The following PCSK5 variants were observed in gnomAD, a reference collection of about 807,000 sequenced individuals.
PCSK5 encodes prohormone convertase 5.
In PCSK5, 129 loss-of-function variants were observed where a neutral mutation model predicts 233.2. That is an observed-to-expected ratio of 0.55 (90% confidence interval 0.48 to 0.64). The LOEUF is 0.64. Among genes scored for constraint, PCSK5 ranks in the 30% least tolerant of loss-of-function variants. PCSK5 has a pLI of 0.00. For synonymous variants in PCSK5, 825 were observed against 879.2 expected (o/e 0.94, Z 1.09); for missense variants, 2,076 against 2,430.1 (o/e 0.85, Z 3.06).
intron 7 of PCSK5, among the ~76,000 whole-genome samples, chr9:76,092,853 T>TA (rs2131642971): frequency 6.6e-6 from 1 of 152,296 alleles, no homozygotes; most frequent in African/African-American, 2.4e-5. Context: ...ATTAAAAAAT[T>TA]ATCTCTTAAC....
chr9:76,065,567 C>CAG (rs57754514), intron 5 of PCSK5, among the ~76,000 whole-genome samples: 34,825 of 152,082 alleles, frequency 0.23, 6,157 homozygotes, highest in African/African-American at 0.47. Context: ...CCTGGTCAGA[C>CAG]AGAGTTTGCC....
intron 20 of PCSK5, among the ~76,000 whole-genome samples, chr9:76,210,517 G>T (rs1852840534): frequency 1.3e-5 from 2 of 152,198 alleles, no homozygotes; most frequent in African/African-American, 4.8e-5. Context: ...TGTGTGCAGG[G>T]CACCAAAAGA....
chr9:76,001,182 G>T (rs543262772), intron 3 of PCSK5, among the ~76,000 whole-genome samples: 1 of 151,778 alleles, frequency 6.6e-6, no homozygotes, highest in Non-Finnish European at 1.5e-5. Flanking sequence ...TTTATCTCGC[G>T]CTGTGTACAA....
rs878971411 is a variant in PCSK5 at position 76,205,291 on chromosome 9, A to C, written c.2626+15545A>C. 3.5e-4 allele frequency: 176 copies of C among 504,484 alleles called. No individual in the cohort carries two copies. The Middle Eastern group carries it at 0.021, about 59-fold the overall frequency. 31.3% of individuals were successfully genotyped at this position (504,484 alleles called of 1,614,324 possible). ...GATGATCCAGAGCTGGAGAATGAAG[A>C]CCCGCCTATGCTGTTCCCACACAGA... On this transcript the variant is annotated intron_variant, in intron 20 of 37. Transcript: ENST00000674117.
chr9:76,288,781 G>A (rs1828167359), intron 24 of PCSK5, among the ~76,000 whole-genome samples: 1 of 152,058 alleles, frequency 6.6e-6, no homozygotes, highest in Non-Finnish European at 1.5e-5. Context: ...CTGAATTATG[G>A]GACACCGAGT....
chr9:76,034,677 A>G (rs896337971), intron 5 of PCSK5, among the ~76,000 whole-genome samples: 1 of 152,126 alleles, frequency 6.6e-6, no homozygotes, highest in African/African-American at 2.4e-5. Context: ...TTATCCCTCC[A>G]ATCAGTTTCA....
At chr9:76,209,236 T>G (rs992058192) in intron 20 of PCSK5, among the ~76,000 whole-genome samples, 16 of 152,296 alleles carry the variant, frequency 1.1e-4, no homozygotes, top group African/African-American at 3.6e-4. Flanking sequence ...GTACACACCT[T>G]TCTTTTGAGT....
chr9:76,179,469 T>C, intron 14 of PCSK5, 127 bp from the exon 15 acceptor site: 1 of 611,086 alleles, frequency 1.6e-6, no homozygotes, highest in Non-Finnish European at 2.8e-6. Flanking sequence ...TTGACAATTA[T>C]TCCTCTGTCT....
intron 1 of PCSK5, among the ~76,000 whole-genome samples, chr9:75,910,277 A>G (rs1479018069): frequency 6.6e-6 from 1 of 152,236 alleles, no homozygotes; most frequent in Non-Finnish European, 1.5e-5. Context: ...GTGATGTAAT[A>G]GGAAGACCCT....
chr9:76,357,966 A>T (rs1457516334), intron 37 of PCSK5, among the ~76,000 whole-genome samples: 1 of 152,228 alleles, frequency 6.6e-6, no homozygotes, highest in Non-Finnish European at 1.5e-5. Context: ...TGGGAAAGAA[A>T]ATAGAGCATT....
intron 24 of PCSK5, among the ~76,000 whole-genome samples, chr9:76,242,161 T>C (rs961855156): frequency 6.6e-6 from 1 of 152,248 alleles, no homozygotes; most frequent in African/African-American, 2.4e-5. Context: ...GCATATGATG[T>C]GTGATGATCA....
chr9:75,965,349 A>G (rs1047944574), intron 2 of PCSK5, among the ~76,000 whole-genome samples: 1 of 21,104 alleles, frequency 4.7e-5, no homozygotes, highest in Non-Finnish European at 1.6e-4. Context: ...TTGATTACAG[A>G]AGCTGAGAGA....
intron 1 of PCSK5, among the ~76,000 whole-genome samples, chr9:75,932,036 T>TC (rs2131281486): frequency 6.6e-6 from 1 of 152,300 alleles, no homozygotes; most frequent in South Asian, 2.1e-4. Context: ...TATTTGATTT[T>TC]CCCCCCTCTT....
chr9:75,890,816 G>C lies in PCSK5; in HGVS notation c.-366G>C, dbSNP rs1382839666. 4.9e-6 allele frequency: 1 copy of C among 203,908 alleles called. No homozygotes were observed. The highest frequency in any genetic ancestry group is 1.0e-4 in the East Asian group (1 of 9,760). 12.6% of individuals were successfully genotyped at this position (203,908 alleles called of 1,614,324 possible). A position where few individuals can be genotyped will look rare whatever the true frequency, so the allele number is the denominator to read the frequency against. ...CTGGTCATCTCCGCCGCGCTCGGGG[G>C]CCCCGGGAGGAGCGAGACCGAGTCG... is the stretch of plus-strand genomic sequence containing the variant. On this transcript the variant is annotated 5_prime_UTR_variant, in exon 1 of 38. Transcript: ENST00000674117.
intron 5 of PCSK5, among the ~76,000 whole-genome samples, chr9:76,044,021 G>C (rs532674849): frequency 6.6e-6 from 1 of 152,182 alleles, no homozygotes; most frequent in Middle Eastern, 3.4e-3. Context: ...ATAAAAAAGG[G>C]TGGCTTGAAA....
chr9:75,998,162 A>G (rs752804333), intron 3 of PCSK5, among the ~76,000 whole-genome samples: 15 of 152,208 alleles, frequency 9.9e-5, no homozygotes, highest in Admixed American at 2.6e-4. Context: ...TATCTTTTAG[A>G]GAACTCATAG....
intron 1 of PCSK5, among the ~76,000 whole-genome samples, chr9:75,903,804 G>T (rs1826156354): frequency 6.6e-6 from 1 of 151,410 alleles, no homozygotes; most frequent in Non-Finnish European, 1.5e-5. Flanking sequence ...TGGGTAGTCT[G>T]AATACAGAGC....
At position 76,057,492 on chromosome 9, in the gene PCSK5, G is replaced by A. The variant is rs189867626; in HGVS notation, c.633-10463G>A. ...ACCATCAATTACAGTATGCTGAAAT[G>A]TATTATTTAACTGTTACATAATGCA... On this transcript the variant is annotated intron_variant, in intron 5 of 37. Transcript: ENST00000674117. Among the ~76,000 whole-genome samples, 3 of 152,234 alleles carry A rather than the reference G, an allele frequency of 2.0e-5. No homozygotes were observed. In the East Asian group the frequency reaches 5.8e-4, roughly 29 times the overall value.
rs1173576004 is a variant in PCSK5, at chr9:76,361,827, C to T, written c.*2905C>T. ...ATCATATCAATGGAAGACTTTCTCA[C>T]CTCTGTGGTTGCAGTTAGCTTACAA... is the stretch of plus-strand genomic sequence containing the variant. On this transcript the variant is annotated 3_prime_UTR_variant, in exon 38 of 38. Coordinates refer to ENST00000674117, the MANE Select transcript of PCSK5 (RefSeq NM_001372043.1). 6.6e-6 allele frequency: 1 copy of T among 152,198 alleles called. No homozygotes were observed. The highest frequency in any genetic ancestry group is 1.5e-5 in the Non-Finnish European group (1 of 68,034). The allele number at this position is 152,198 out of a possible 1,614,324, so 9.4% of individuals were successfully genotyped here.
Sources: allele counts gnomAD v4.1 joint callset (sites outside exome capture counted in the v4.1 genomes callset), GRCh38; gene constraint gnomAD v4.1.1; transcripts MANE v1.5; gene names NCBI Gene and HGNC (gene_info 2026-07-23, HGNC 2026-07-21).